The following TENM2 variants were observed in gnomAD, a reference collection of about 807,000 sequenced individuals.
TENM2 encodes teneurin-2.
Under a neutral mutation model 245.2 loss-of-function variants are expected in TENM2, and 52 were observed. That is an observed-to-expected ratio of 0.21 (90% confidence interval 0.17 to 0.27). TENM2 has a LOEUF of 0.27. Ranked by LOEUF, TENM2 falls within the 10% of genes least tolerant of loss-of-function variation. TENM2 has a pLI of 1.00. For missense variants in TENM2, 3,046 were observed against 3,666.8 expected, an observed-to-expected ratio of 0.83 and a Z score of 4.37; for synonymous variants, 1,363 against 1,438.9, an observed-to-expected ratio of 0.95 and a Z score of 1.19.
chr5:167,150,591 T>G, the TENM2 span, among the ~76,000 whole-genome samples: 2 of 152,216 alleles, frequency 1.3e-5, no homozygotes, highest in African/African-American at 4.8e-5. Flanking sequence ...TCTAAATGCT[T>G]TATTCATTTA....
chr5:167,838,561 C>T (rs141116893), intron 2 of TENM2, among the ~76,000 whole-genome samples: 215 of 152,280 alleles, frequency 1.4e-3, no homozygotes, highest in African/African-American at 4.7e-3. Flanking sequence ...GTTATAATTG[C>T]TGACACATTC....
At chr5:167,971,765 C>G (rs375258817) in intron 4 of TENM2, among the ~76,000 whole-genome samples, 4 of 152,098 alleles carry the variant, frequency 2.6e-5, no homozygotes, top group African/African-American at 4.8e-5. Context: ...GAGCCCTGAT[C>G]ATTTAAGTGA....
chr5:168,027,628 C>T (rs1416987375), intron 5 of TENM2, among the ~76,000 whole-genome samples: 2 of 152,146 alleles, frequency 1.3e-5, no homozygotes, highest in Admixed American at 6.5e-5. Context: ...CATCACTCCT[C>T]GTGGCCAGAA....
At chr5:167,050,185 G>C in the TENM2 span, among the ~76,000 whole-genome samples, 1 of 152,234 alleles carries the variant, frequency 6.6e-6, no homozygotes, top group South Asian at 2.1e-4. Flanking sequence ...GGCCTCTTAC[G>C]AACAGGGCTG....
At chr5:168,195,707 A>G (rs192742930) in intron 15 of TENM2, among the ~76,000 whole-genome samples, 6 of 152,024 alleles carry the variant, frequency 3.9e-5, no homozygotes, top group African/African-American at 1.4e-4. Context: ...ACAGGAATCC[A>G]CATGACATAG....
chr5:167,475,049 C>T (rs1162970314), intron 2 of TENM2, among the ~76,000 whole-genome samples: 3 of 151,918 alleles, frequency 2.0e-5, no homozygotes, highest in South Asian at 2.1e-4. Context: ...TAAAAATTGT[C>T]GGAGCTAACC....
At chr5:167,602,781 G>T (rs898134297) in intron 2 of TENM2, among the ~76,000 whole-genome samples, 5 of 152,150 alleles carry the variant, frequency 3.3e-5, no homozygotes, top group African/African-American at 1.2e-4. Context: ...AGGCAGTGGA[G>T]CATGGAAGGA....
chr5:167,211,003 G>A, the TENM2 span, among the ~76,000 whole-genome samples: 3 of 152,120 alleles, frequency 2.0e-5, 1 homozygote, highest in South Asian at 6.2e-4. Flanking sequence ...AGTGATGGAC[G>A]CACAAATATC....
At chr5:167,218,015 A>T in the TENM2 span, among the ~76,000 whole-genome samples, 1 of 152,186 alleles carries the variant, frequency 6.6e-6, no homozygotes, top group East Asian at 1.9e-4. Context: ...GGGGTAAAAC[A>T]TCGCACTGAG....
At chr5:167,698,556 G>A (rs1757920632) in intron 2 of TENM2, among the ~76,000 whole-genome samples, 1 of 151,940 alleles carries the variant, frequency 6.6e-6, no homozygotes, top group Non-Finnish European at 1.5e-5. Flanking sequence ...CAGATATACT[G>A]TACTGCAGTT....
Position 168,154,162 on chromosome 5 carries a change from A to AAAC in TENM2, c.2423-8447_2423-8446insCAA, listed in dbSNP as rs1554209475. Reference sequence around the variant, plus strand: ...TCACCTACTTTAAAAAAAAAAAAAAAAAAACAGTAAGAGCTTGAAACATCA... The same window carrying AAAC: ...TCACCTACTTTAAAAAAAAAAAAAAAAACAAAACAGTAAGAGCTTGAAACATCA... On this transcript the variant is annotated intron_variant, in intron 12 of 28. Transcript: ENST00000518659. 4.7e-5 allele frequency among the ~76,000 whole-genome samples: 7 copies of AAAC among 150,384 alleles called. No individual in the cohort carries two copies. In the East Asian group the frequency reaches 1.4e-3, roughly 29 times the overall value.
intron 2 of TENM2, among the ~76,000 whole-genome samples, chr5:167,572,842 ACT>A (rs1404979203): frequency 6.6e-6 from 1 of 152,070 alleles, no homozygotes; most frequent in African/African-American, 2.4e-5. Context: ...TGACTCAAAA[ACT>A]CTGTTCTAGG....
intron 2 of TENM2, among the ~76,000 whole-genome samples, chr5:167,405,570 ACT>A (rs1762583680): frequency 6.6e-6 from 1 of 151,654 alleles, no homozygotes; most frequent in South Asian, 2.1e-4. Flanking sequence ...GGGCTCTTAC[ACT>A]CTATTTTAAA....
rs150762081 is a variant in TENM2 at position 168,065,997 on chromosome 5, G to A, written c.1515+3732G>A. Among the ~76,000 whole-genome samples the A allele has an allele frequency of 5.0e-4, 76 of 152,212 alleles. No individual in the cohort carries two copies. The East Asian group carries it at 0.013, about 26-fold the overall frequency. The stretch of plus-strand genomic sequence containing the variant: ...TCACACTGTGAGGAGGTTGCTACTA[G>A]TACCTAGTGGATAGAGGCCAAGGAT... On this transcript the variant is annotated intron_variant, in intron 7 of 28. Coordinates refer to ENST00000518659, the Ensembl canonical transcript of TENM2.
intron 2 of TENM2, among the ~76,000 whole-genome samples, chr5:167,783,994 G>C (rs1205604005): frequency 6.6e-6 from 1 of 152,126 alleles, no homozygotes; most frequent in African/African-American, 2.4e-5. Context: ...GGGATGCTTG[G>C]AAGTCACTGA....
chr5:167,314,161 T>C (rs1756211939), intron 1 of TENM2, among the ~76,000 whole-genome samples: 1 of 151,816 alleles, frequency 6.6e-6, no homozygotes, highest in South Asian at 2.1e-4. Context: ...AAGTGTGGGC[T>C]CCAAAATCTC....
intron 2 of TENM2, among the ~76,000 whole-genome samples, chr5:167,514,258 G>A (rs1562017199): frequency 6.6e-6 from 1 of 152,080 alleles, no homozygotes; most frequent in Non-Finnish European, 1.5e-5. Context: ...CCCTTAAGGA[G>A]CCAACCATAC....
At chr5:167,337,123 C>CAAAAAAAAAAAAAAA (rs71591174) in intron 1 of TENM2, among the ~76,000 whole-genome samples, 1 of 56,666 alleles carries the variant, frequency 1.8e-5, no homozygotes, top group Non-Finnish European at 2.8e-5. Context: ...GACTCCGTCT[C>CAAAAAAAAAAAAAAA]AAAAAAAAAA....
intron 2 of TENM2, among the ~76,000 whole-genome samples, chr5:167,421,119 T>TA (rs1763479100): frequency 6.6e-6 from 1 of 152,200 alleles, no homozygotes; most frequent in Admixed American, 6.5e-5. Context: ...GTAATACGTC[T>TA]ATGCTAAAAC....
Sources: allele counts gnomAD v4.1 joint callset (sites outside exome capture counted in the v4.1 genomes callset), GRCh38; gene constraint gnomAD v4.1.1; transcripts MANE v1.5; gene names NCBI Gene and HGNC (gene_info 2026-07-23, HGNC 2026-07-21).